The following SUFU variants were observed in gnomAD, a reference collection of about 807,000 sequenced individuals.
SUFU encodes suppressor of fused homolog.
Under a neutral mutation model 58.9 loss-of-function variants are expected in SUFU, and 7 were observed. The ratio of observed to expected loss-of-function variants is 0.12; its 90% CI spans 0.07 to 0.22. The LOEUF is 0.22. Among genes scored for constraint, SUFU ranks in the 10% least tolerant of loss-of-function variants. The pLI is 1.00. For synonymous variants in SUFU, 232 were observed against 254.8 expected (o/e 0.91, Z 0.85); for missense variants, 451 against 641.3 (o/e 0.70, Z 3.20).
intron 2 of SUFU, among the ~76,000 whole-genome samples, chr10:102,511,657 C>G (rs1323563750): frequency 6.6e-6 from 1 of 152,008 alleles, no homozygotes; most frequent in East Asian, 1.9e-4. Flanking sequence ...AGTTACAGAT[C>G]TAGGGGTAAA....
rs1163034128 is a variant in SUFU at position 102,619,045 on chromosome 10, A to G, written c.1296+1617A>G. 1.1e-5 allele frequency: 17 copies of G among 1,612,082 alleles called. No homozygotes were observed. The highest frequency in any genetic ancestry group is 2.2e-5 in the East Asian group (1 of 44,856). On this transcript the variant is annotated intron_variant, in intron 10 of 11. Coordinates refer to ENST00000369902, the MANE Select transcript of SUFU (RefSeq NM_016169.4). This position sits in a 1 kb window ranked among gnomAD's most constrained non-coding sequence, Gnocchi z 4.2. Reference sequence around the variant, plus strand: ...CCTCCCCAAACTGCAGAATCTACCCAGTTATGTTTGACATCCTCAGCTCTG... The same window carrying G: ...CCTCCCCAAACTGCAGAATCTACCCGGTTATGTTTGACATCCTCAGCTCTG...
At position 102,630,685 on chromosome 10, in the gene SUFU, T is replaced by C. The variant is rs1590095733; in HGVS notation, c.*530T>C. On this transcript the variant is annotated 3_prime_UTR_variant, in exon 12 of 12. Coordinates refer to ENST00000369902, the MANE Select transcript of SUFU (RefSeq NM_016169.4). ...TATTTTGTAGAAACCGGGTGGTATT[T>C]TATTGCTCTGCAAAGATGTCCAGAA... The C allele has an allele frequency of 2.0e-5, 6 of 295,884 alleles. No homozygotes were observed. The East Asian group carries it at 2.9e-4, about 14-fold the overall frequency. 18.3% of individuals were successfully genotyped at this position (295,884 alleles called of 1,614,324 possible). A position where few individuals can be genotyped will look rare whatever the true frequency, so the allele number is the denominator to read the frequency against.
At position 102,509,042 on chromosome 10, in the gene SUFU, TG is replaced by T. The variant is rs546304777; in HGVS notation, c.183-126del. 458 of 1,317,794 alleles carry T rather than the reference TG, an allele frequency of 3.5e-4. 4 individuals carry two copies. The highest frequency in any genetic ancestry group is 3.4e-3 in the East Asian group (147 of 43,412). The allele number at this position is 1,317,794 out of a possible 1,614,324, so 81.6% of individuals were successfully genotyped here. A position where few individuals can be genotyped will look rare whatever the true frequency, so the allele number is the denominator to read the frequency against. On this transcript the variant is annotated intron_variant, in intron 1 of 11. Transcript: ENST00000369902. Reference sequence around the variant, plus strand: ...TCTCATTCTGGAGAGATGTGGCCTCTGTTTAGTTACCTTTCACCCAGGTTCC... The same window carrying T: ...TCTCATTCTGGAGAGATGTGGCCTCTTTTAGTTACCTTTCACCCAGGTTCC...
chr10:102,612,433 C>A (rs2063636700), intron 8 of SUFU, among the ~76,000 whole-genome samples: 1 of 152,084 alleles, frequency 6.6e-6, no homozygotes, highest in Non-Finnish European at 1.5e-5. Context: ...TTCTTTAAGG[C>A]TGTTTGCAGT....
intron 10 of SUFU, among the ~76,000 whole-genome samples, chr10:102,626,212 C>T (rs1293182465): frequency 1.3e-5 from 2 of 151,868 alleles, no homozygotes; most frequent in Non-Finnish European, 2.9e-5. Context: ...TCACCCAGGG[C>T]GTGGTGGGGT....
intron 7 of SUFU, among the ~76,000 whole-genome samples, chr10:102,597,682 G>T (rs2063477184): frequency 6.6e-6 from 1 of 152,258 alleles, no homozygotes; most frequent in Non-Finnish European, 1.5e-5. Context: ...TGGCCTGAAG[G>T]CCATGCCAGA....
At chr10:102,599,326 A>G (rs538745424) in intron 7 of SUFU, 107 bp from the exon 8 acceptor site, 344 of 847,012 alleles carry the variant, frequency 4.1e-4, no homozygotes, top group Non-Finnish European at 6.0e-4. Flanking sequence ...AGGACTGGCC[A>G]GCGTGGTAGT....
intron 1 of SUFU, among the ~76,000 whole-genome samples, chr10:102,508,508 T>A (rs1424526978): frequency 6.6e-6 from 1 of 152,186 alleles, no homozygotes; most frequent in Admixed American, 6.5e-5. Context: ...GGGCGCAGTT[T>A]GACTCCTTCT....
chr10:102,626,879 C>A (rs1185948010), intron 10 of SUFU, among the ~76,000 whole-genome samples: 4 of 152,090 alleles, frequency 2.6e-5, no homozygotes, highest in Non-Finnish European at 2.9e-5. Context: ...CCGGCCCCAC[C>A]AGTGTTCATC....
At chr10:102,609,522 T>C (rs1478710631) in intron 8 of SUFU, among the ~76,000 whole-genome samples, 1 of 152,200 alleles carries the variant, frequency 6.6e-6, no homozygotes, top group Non-Finnish European at 1.5e-5. Context: ...AAAAAGGACA[T>C]TATTTTTGTA....
chr10:102,542,761 A>G (rs1376016199), intron 2 of SUFU, among the ~76,000 whole-genome samples: 1 of 151,716 alleles, frequency 6.6e-6, no homozygotes, highest in Admixed American at 6.6e-5. Context: ...AGTAGCTGGG[A>G]CTACAGGCAC....
chr10:102,599,345 G>T (rs902465560), intron 7 of SUFU, 88 bp from the exon 8 acceptor site: 47 of 1,010,348 alleles, frequency 4.7e-5, no homozygotes, highest in Non-Finnish European at 6.8e-5. Context: ...GTTTTTCTTA[G>T]CACCTCTGCT....
chr10:102,567,603 C>G (rs185564358), intron 3 of SUFU, among the ~76,000 whole-genome samples: 2 of 152,280 alleles, frequency 1.3e-5, no homozygotes, highest in Admixed American at 6.5e-5. Context: ...ACAGAGCCCT[C>G]TCTCTGGACA....
intron 3 of SUFU, among the ~76,000 whole-genome samples, chr10:102,590,205 A>T (rs7898166): frequency 1.5e-5 from 2 of 129,726 alleles, no homozygotes; most frequent in Non-Finnish European, 3.1e-5. Flanking sequence ...TCACACTGTC[A>T]CCCAGGCTAG....
chr10:102,569,568 G>A (rs1471853502), intron 3 of SUFU, among the ~76,000 whole-genome samples: 1 of 152,150 alleles, frequency 6.6e-6, no homozygotes, highest in Non-Finnish European at 1.5e-5. Flanking sequence ...CACCAAAAGG[G>A]TTCACTAATG....
intron 2 of SUFU, among the ~76,000 whole-genome samples, chr10:102,518,967 G>A (rs1483113972): frequency 2.0e-5 from 3 of 151,060 alleles, no homozygotes; most frequent in Admixed American, 6.6e-5. Flanking sequence ...CTGAAACCCC[G>A]TCTCTACTAA....
intron 3 of SUFU, chr10:102,591,136 CG>C (rs1187754637): frequency 1.3e-5 from 2 of 152,170 alleles, no homozygotes; most frequent in Admixed American, 1.3e-4. Context: ...ATTCCGAGAT[CG>C]TGAATGACAG....
intron 3 of SUFU, among the ~76,000 whole-genome samples, chr10:102,554,605 A>T (rs1156634806): frequency 6.6e-6 from 1 of 152,154 alleles, no homozygotes; most frequent in Non-Finnish European, 1.5e-5. Flanking sequence ...ATTTCACTGC[A>T]TAGTTAGATC....
In SUFU at chr10:102,518,519, G is replaced by GTCTATCTATCTATCTATCTATCTA. The variant is rs376596356; in HGVS notation, c.317+9222_317+9245dup. Among the ~76,000 whole-genome samples, 434 of 147,208 alleles carry GTCTATCTATCTATCTATCTATCTA rather than the reference G, an allele frequency of 2.9e-3. 2 individuals are homozygous for GTCTATCTATCTATCTATCTATCTA. Among genetic ancestry groups the GTCTATCTATCTATCTATCTATCTA allele is most frequent in the African/African-American group, 5.0e-3 (200 of 39,818 alleles). ...TATCTATCTAACTGTCTGTCTGTCT[G>GTCTATCTATCTATCTATCTATCTA]TCTATCTATCTATCTATCTATCTAT... On this transcript the variant is annotated intron_variant, in intron 2 of 11. Transcript: ENST00000369902.
Sources: allele counts gnomAD v4.1 joint callset (sites outside exome capture counted in the v4.1 genomes callset), GRCh38; gene constraint gnomAD v4.1.1; non-coding constraint Gnocchi (gnomAD v3.1); transcripts MANE v1.5; gene names NCBI Gene and HGNC (gene_info 2026-07-23, HGNC 2026-07-21).